The following NEK10 variants were observed in gnomAD, a reference collection of about 807,000 sequenced individuals.
NEK10 encodes the protein NIMA related kinase 10.
Under a neutral mutation model 159.8 loss-of-function variants are expected in NEK10, and 122 were observed. The observed-to-expected ratio is 0.76, with a 90% CI of 0.66 to 0.89. The LOEUF (loss-of-function observed/expected upper bound fraction) is 0.89, where lower values mean the gene tolerates loss of function less well. NEK10 is among the 40% of genes least tolerant of loss of function. The pLI, the probability that NEK10 is intolerant of heterozygous loss-of-function variation, is 0.00. For synonymous variants in NEK10, 466 were observed against 457.1 expected, an observed-to-expected ratio of 1.02 and a Z score of -0.25; for missense variants, 1,342 against 1,323.1, an observed-to-expected ratio of 1.01 and a Z score of -0.22.
chr3:27,281,130 G>A (rs2042131206), intron 22 of NEK10, among the ~76,000 whole-genome samples: 1 of 151,794 alleles, frequency 6.6e-6, no homozygotes, highest in South Asian at 2.1e-4. Context: ...GAATGGAAAA[G>A]AAAGTTGAAG....
At chr3:27,182,830 A>C (rs1948252245) in intron 26 of NEK10, among the ~76,000 whole-genome samples, 1 of 152,108 alleles carries the variant, frequency 6.6e-6, no homozygotes, top group Non-Finnish European at 1.5e-5. Context: ...CAGGCACAGA[A>C]AGAGAAATAC....
intron 19 of NEK10, among the ~76,000 whole-genome samples, chr3:27,288,556 T>C (rs561315778): frequency 1.3e-5 from 2 of 152,264 alleles, no homozygotes; most frequent in East Asian, 3.9e-4. Flanking sequence ...GAATTCAGAG[T>C]TGGGTTCAAT....
chr3:27,292,434 C>G (rs1559445127), intron 16 of NEK10, among the ~76,000 whole-genome samples: 1 of 151,994 alleles, frequency 6.6e-6, no homozygotes, highest in Admixed American at 6.6e-5. Context: ...AAAAATAAAA[C>G]AAATAAAGAG....
intron 1 of NEK10, among the ~76,000 whole-genome samples, chr3:27,360,478 A>C (rs2048608918): frequency 6.6e-6 from 1 of 152,252 alleles, no homozygotes; most frequent in African/African-American, 2.4e-5. Context: ...GGAGGAAATT[A>C]AGACCCAGAG....
chr3:27,131,979 A>T lies in NEK10; in HGVS notation c.2982T>A (p.Ala994=), dbSNP rs1942673242. 1 of 1,570,618 alleles carries T rather than the reference A, an allele frequency of 6.4e-7. No homozygotes were observed. The highest frequency in any genetic ancestry group is 1.7e-5 in the Admixed American group (1 of 59,476). Residue 994 remains alanine (A), a synonymous_variant, in exon 32 of 36, where the codon GCT becomes GCA. Transcript: ENST00000691995. ...CCCTTCTTTTCAAATTGTGGTGCAAAGCTGGAGGAAGCTGCATAAAATAAG... is the reference window on the plus strand; with the variant it reads ...CCCTTCTTTTCAAATTGTGGTGCAATGCTGGAGGAAGCTGCATAAAATAAG... ...KIIYITQLPP[A]LHHNLKRRVI...
chr3:27,212,135 A>G lies in NEK10; in HGVS notation c.2091-9578T>C, dbSNP rs76938258. Among the ~76,000 whole-genome samples the G allele has an allele frequency of 8.0e-3, 1,216 of 152,364 alleles. 10 individuals are homozygous for G. Among genetic ancestry groups the G allele is most frequent in the Non-Finnish European group, 0.013 (885 of 68,036 alleles). On this transcript the variant is annotated intron_variant, in intron 23 of 35. Transcript: ENST00000691995. ...TTTAATCGCTGAGGACAGAGTCAAC[A>G]ATATTTTCCAAATTAAAATTTGTTC... is the stretch of plus-strand genomic sequence containing the variant.
chr3:27,175,038 T>C (rs567794309), intron 26 of NEK10, among the ~76,000 whole-genome samples: 4 of 152,128 alleles, frequency 2.6e-5, no homozygotes, highest in Non-Finnish European at 4.4e-5. Context: ...ATAAGCTACA[T>C]TGGATCAAAA....
intron 30 of NEK10, among the ~76,000 whole-genome samples, chr3:27,156,966 ATATAT>A (rs1945523694): frequency 8.1e-6 from 1 of 124,068 alleles, no homozygotes; most frequent in Admixed American, 8.0e-5. Flanking sequence ...ATATATATAT[ATATAT>A]ATATATATGA....
intron 23 of NEK10, among the ~76,000 whole-genome samples, chr3:27,225,909 G>T (rs1160064012): frequency 6.6e-6 from 1 of 152,120 alleles, no homozygotes; most frequent in Non-Finnish European, 1.5e-5. Flanking sequence ...ATATTCATAA[G>T]GTAGGAAGTC....
intron 23 of NEK10, among the ~76,000 whole-genome samples, chr3:27,204,789 T>G (rs1462609340): frequency 7.0e-6 from 1 of 143,790 alleles, no homozygotes; most frequent in Non-Finnish European, 1.5e-5. Flanking sequence ...TGTGTCTTTA[T>G]AGCAGCATGA....
rs777396609 is a variant in NEK10, at chr3:27,293,647, A to G, written c.1314T>C (p.Tyr438=). 16 of 1,551,588 alleles carry G rather than the reference A, an allele frequency of 1.0e-5. No homozygotes were observed. In the East Asian group the frequency reaches 2.9e-4, roughly 28 times the overall value. ...AGAGAAATCTCAAGGCTCTGAAAGC[A>G]TAACACTAGAAAACAAAAGGATATG... ...NAAKSNLLQC[Y]AFRALRFLFS... Residue 438 remains tyrosine, a synonymous_variant, in exon 16 of 36, where the codon TAT becomes TAC. Transcript: ENST00000691995.
intron 23 of NEK10, among the ~76,000 whole-genome samples, chr3:27,237,048 T>C (rs1358960619): frequency 6.6e-6 from 1 of 152,104 alleles, no homozygotes; most frequent in Non-Finnish European, 1.5e-5. Context: ...CCCTGGGTAT[T>C]AATTATTAAT....
chr3:27,143,078 A>G (rs1311857491), intron 30 of NEK10, among the ~76,000 whole-genome samples: 1 of 152,072 alleles, frequency 6.6e-6, no homozygotes, highest in Admixed American at 6.5e-5. Flanking sequence ...TAGAAAACAG[A>G]GAGCTGGAGT....
At chr3:27,199,136 T>C (rs1949820088) in intron 25 of NEK10, among the ~76,000 whole-genome samples, 1 of 151,412 alleles carries the variant, frequency 6.6e-6, no homozygotes, top group African/African-American at 2.4e-5. Context: ...CTAAAGAGCT[T>C]CTGCACAGCA....
rs186075934 is a variant in NEK10 at position 27,335,761 on chromosome 3, C to T, written c.362+8511G>A. ...AAATTAAACATTTGCTCCTGAATGACCATTGAGTCAATAAAGAAACTAAAA... is the reference window on the plus strand; with the variant it reads ...AAATTAAACATTTGCTCCTGAATGATCATTGAGTCAATAAAGAAACTAAAA... On this transcript the variant is annotated intron_variant, in intron 5 of 35. Coordinates refer to ENST00000691995, the MANE Select transcript of NEK10 (RefSeq NM_001394966.1). Among the ~76,000 whole-genome samples, 52 of 152,184 alleles carry T rather than the reference C, an allele frequency of 3.4e-4. No homozygotes were observed. In the East Asian group the frequency reaches 9.5e-3, roughly 28 times the overall value.
intron 6 of NEK10, among the ~76,000 whole-genome samples, chr3:27,316,545 A>T (rs2045196693): frequency 6.6e-6 from 1 of 152,164 alleles, no homozygotes; most frequent in Non-Finnish European, 1.5e-5. Flanking sequence ...AAAAGACTAA[A>T]ATCTGGGAGT....
intron 28 of NEK10, among the ~76,000 whole-genome samples, chr3:27,173,041 G>A (rs1180482038): frequency 6.6e-6 from 1 of 152,070 alleles, no homozygotes; most frequent in Non-Finnish European, 1.5e-5. Context: ...AAACAATACT[G>A]AATTTCGGTT....
At chr3:27,335,790 A>C (rs1415943358) in intron 5 of NEK10, among the ~76,000 whole-genome samples, 8 of 152,244 alleles carry the variant, frequency 5.3e-5, no homozygotes, top group Admixed American at 5.2e-4. Context: ...ACTAAAATGT[A>C]AATAGAAAAA....
intron 5 of NEK10, among the ~76,000 whole-genome samples, chr3:27,327,228 G>A (rs2046067896): frequency 6.6e-6 from 1 of 152,160 alleles, no homozygotes; most frequent in African/African-American, 2.4e-5. Context: ...CTGCAGATAT[G>A]TTTAATATGG....
Sources: allele counts gnomAD v4.1 joint callset (sites outside exome capture counted in the v4.1 genomes callset), GRCh38; gene constraint gnomAD v4.1.1; transcripts MANE v1.5; gene names NCBI Gene and HGNC (gene_info 2026-07-23, HGNC 2026-07-21).